Variants in ABL2 observed in about 807,000 individuals in gnomAD.
ABL2 encodes the protein ABL proto-oncogene 2, non-receptor tyrosine kinase.
ABL2 carries 49 observed loss-of-function variants against 107.7 expected under a neutral mutation model. The observed-to-expected ratio is 0.45, with a 90% CI of 0.36 to 0.58. ABL2 has a LOEUF of 0.58. Among genes scored for constraint, ABL2 ranks in the 20% least tolerant of loss-of-function variants. ABL2 has a pLI of 0.00. For synonymous variants in ABL2, 549 were observed against 548.6 expected (o/e 1.00, Z -0.01); for missense variants, 1,245 against 1,457.0 (o/e 0.85, Z 2.37).
chr1:179,101,314 G>T lies in ABL2; in HGVS notation c.*6404C>A, dbSNP rs118129417. 5.1e-4 allele frequency: 105 copies of T among 207,878 alleles called. 1 individual carries two copies. The East Asian group carries it at 7.6e-3, about 15-fold the overall frequency. 12.9% of individuals were successfully genotyped at this position (207,878 alleles called of 1,614,324 possible). A position where few individuals can be genotyped will look rare whatever the true frequency, so the allele number is the denominator to read the frequency against. ...GATCTTCTTATCTTGATCCCACAGGGTGAAGCCTTCCCTAATTTCCTGTCC... is the reference window on the plus strand; with the variant it reads ...GATCTTCTTATCTTGATCCCACAGGTTGAAGCCTTCCCTAATTTCCTGTCC... On this transcript the variant is annotated 3_prime_UTR_variant, in exon 12 of 12. Coordinates refer to ENST00000502732, the MANE Select transcript of ABL2 (RefSeq NM_007314.4).
At chr1:179,119,156 T>C (rs1047266984) in intron 6 of ABL2, among the ~76,000 whole-genome samples, 10 of 152,142 alleles carry the variant, frequency 6.6e-5, no homozygotes, top group Admixed American at 6.6e-4. Flanking sequence ...CTGAAGACTA[T>C]GTGAGCCCCA....
At chr1:179,111,723 T>C (rs1654095643) in intron 10 of ABL2, among the ~76,000 whole-genome samples, 1 of 152,184 alleles carries the variant, frequency 6.6e-6, no homozygotes, top group African/African-American at 2.4e-5. Flanking sequence ...TAAGTTAAAG[T>C]TAACCTTTAA....
At chr1:179,123,525 C>A (rs1165878416) in intron 4 of ABL2, among the ~76,000 whole-genome samples, 2 of 152,090 alleles carry the variant, frequency 1.3e-5, no homozygotes, top group African/African-American at 2.4e-5. Flanking sequence ...AAGAGCCACA[C>A]TGGATTTCAC....
intron 1 of ABL2, among the ~76,000 whole-genome samples, chr1:179,183,217 G>A (rs1027363697): frequency 6.6e-6 from 1 of 151,980 alleles, no homozygotes; most frequent in Non-Finnish European, 1.5e-5. Context: ...TAGGACACTG[G>A]AGACTCAGTG....
At position 179,103,444 on chromosome 1, in the gene ABL2, T is replaced by C. The variant is rs1653264304; in HGVS notation, c.*4274A>G. 4.9e-6 allele frequency: 1 copy of C among 203,336 alleles called. No individual in the cohort carries two copies. The highest frequency in any genetic ancestry group is 1.0e-5 in the Non-Finnish European group (1 of 99,156). 12.6% of individuals were successfully genotyped at this position (203,336 alleles called of 1,614,324 possible). A position where few individuals can be genotyped will look rare whatever the true frequency, so the allele number is the denominator to read the frequency against. ...AAGTGCTGTCATATACATTATCTCA[T>C]AGTCATTAAAATAATGTGAACAATA... On this transcript the variant is annotated 3_prime_UTR_variant, in exon 12 of 12. Coordinates refer to ENST00000502732, the MANE Select transcript of ABL2 (RefSeq NM_007314.4).
intron 1 of ABL2, among the ~76,000 whole-genome samples, chr1:179,182,281 G>A (rs775657118): frequency 2.6e-5 from 4 of 151,984 alleles, no homozygotes; most frequent in African/African-American, 4.8e-5. Context: ...GAAGGTGGCT[G>A]GAGAAAAAAA....
chr1:179,202,031 T>A (rs1661702175), intron 1 of ABL2: 1 of 527,342 alleles, frequency 1.9e-6, no homozygotes, highest in Non-Finnish European at 2.6e-6. Flanking sequence ...TCTTGTCATT[T>A]TTTTTTCTTT....
chr1:179,189,827 GT>G (rs537154954), intron 1 of ABL2, among the ~76,000 whole-genome samples: 3 of 146,532 alleles, frequency 2.0e-5, no homozygotes, highest in Non-Finnish European at 4.5e-5. Context: ...CATTTTTTTT[GT>G]TTTTTTTTTG....
intron 1 of ABL2, among the ~76,000 whole-genome samples, chr1:179,219,976 C>T (rs1169578956): frequency 1.3e-5 from 2 of 152,190 alleles, no homozygotes; most frequent in Non-Finnish European, 2.9e-5. Flanking sequence ...TTAAGAGTCT[C>T]GTACAATTTT....
intron 5 of ABL2, among the ~76,000 whole-genome samples, chr1:179,121,098 G>T (rs1258495362): frequency 6.6e-6 from 1 of 152,170 alleles, no homozygotes; most frequent in Non-Finnish European, 1.5e-5. Flanking sequence ...TCAAGTGAGT[G>T]AAAACCTTAT....
Position 179,209,248 on chromosome 1 carries a change from T to C in ABL2, c.157+19993A>G, listed in dbSNP as rs28991591. ...CAGAGGAAAGGAATGTCCTTATCTC[T>C]GAAGACACAGGGACATTGAGAAGAC... On this transcript the variant is annotated intron_variant, in intron 1 of 11. Transcript: ENST00000502732. Among the ~76,000 whole-genome samples the C allele has an allele frequency of 2.6e-3, 390 of 152,320 alleles. 2 individuals carry two copies. The highest frequency in any genetic ancestry group is 9.2e-3 in the African/African-American group (381 of 41,572).
chr1:179,144,118 C>A (rs1380146073), intron 1 of ABL2, among the ~76,000 whole-genome samples: 3 of 152,136 alleles, frequency 2.0e-5, no homozygotes, highest in Non-Finnish European at 2.9e-5. Context: ...GTAAAACCTA[C>A]AAATAATACA....
intron 1 of ABL2, among the ~76,000 whole-genome samples, chr1:179,138,911 G>A (rs1657298628): frequency 6.6e-6 from 1 of 152,208 alleles, no homozygotes. Flanking sequence ...GTGGGCGTGG[G>A]CTTGGCGGGC....
intron 1 of ABL2, among the ~76,000 whole-genome samples, chr1:179,162,281 C>A (rs973312469): frequency 6.6e-6 from 1 of 152,178 alleles, no homozygotes; most frequent in East Asian, 1.9e-4. Flanking sequence ...AATATATTCA[C>A]GTTCCTAGAA....
intron 1 of ABL2, among the ~76,000 whole-genome samples, chr1:179,163,447 G>A (rs1205382156): frequency 6.6e-6 from 1 of 152,158 alleles, no homozygotes; most frequent in Non-Finnish European, 1.5e-5. Context: ...CAGCTCTATT[G>A]AAAATTGTCC....
At chr1:179,183,357 T>TAACAAC (rs28914481) in intron 1 of ABL2, among the ~76,000 whole-genome samples, 58 of 152,196 alleles carry the variant, frequency 3.8e-4, no homozygotes, top group African/African-American at 1.3e-3. Context: ...CTTAAATTTA[T>TAACAAC]AACAACAACA....
chr1:179,160,816 A>C (rs1659018292), intron 1 of ABL2, among the ~76,000 whole-genome samples: 1 of 152,208 alleles, frequency 6.6e-6, no homozygotes. Flanking sequence ...AGTGGGGGAC[A>C]TGAAAAGATG....
Position 179,126,400 on chromosome 1 carries a change from T to C in ABL2, c.664A>G (p.Ile222Val). The C allele has an allele frequency of 1.9e-6, 3 of 1,614,188 alleles. No individual in the cohort carries two copies. The highest frequency in any genetic ancestry group is 2.5e-6 in the Non-Finnish European group (3 of 1,180,040). Residue 222 changes from isoleucine (I) to valine (V), a missense_variant, in exon 4 of 12, where the codon ATC becomes GTC. This residue lies in a region of ABL2 where 320 missense variants were observed against 547.0 expected (regional missense o/e 0.59). Transcript: ENST00000502732. The surrounding 1 kb of genome is among the most constrained non-coding windows in gnomAD (Gnocchi z 4.4). The stretch of plus-strand genomic sequence containing the variant: ...ACCTTGCCATCTGCAGTGGTATTGA[T>C]CCTGTAGTGATACACACGTCCCTCG... Reference protein sequence around the residue: ...RYEGRVYHYRINTTADGKVYV... With the variant: ...RYEGRVYHYRVNTTADGKVYV...
chr1:179,177,313 G>A (rs562477305), intron 1 of ABL2, among the ~76,000 whole-genome samples: 4 of 152,256 alleles, frequency 2.6e-5, no homozygotes, highest in South Asian at 2.1e-4. Context: ...AAGATGCCCC[G>A]AGATTCAACC....
Sources: allele counts gnomAD v4.1 joint callset (sites outside exome capture counted in the v4.1 genomes callset), GRCh38; gene constraint gnomAD v4.1.1; regional missense constraint gnomAD v4.1.1; non-coding constraint Gnocchi (gnomAD v3.1); transcripts MANE v1.5; gene names NCBI Gene and HGNC (gene_info 2026-07-23, HGNC 2026-07-21).